The following ESRRG variants were observed in gnomAD, a reference collection of about 807,000 sequenced individuals.
ESRRG encodes estrogen related receptor gamma.
Under a neutral mutation model 44.0 loss-of-function variants are expected in ESRRG, and 13 were observed. The observed-to-expected ratio is 0.30, with a 90% CI of 0.19 to 0.47. The LOEUF is 0.47. Ranked by LOEUF, ESRRG falls within the 20% of genes least tolerant of loss-of-function variation. The pLI is 1.00. For synonymous variants in ESRRG, 215 were observed against 214.6 expected (o/e 1.00, Z -0.02); for missense variants, 395 against 580.6 (o/e 0.68, Z 3.29).
At chr1:216,714,294 A>G (rs2084311189) in intron 1 of ESRRG, among the ~76,000 whole-genome samples, 1 of 152,210 alleles carries the variant, frequency 6.6e-6, no homozygotes. Context: ...AATATCATGC[A>G]CTTACCTTTT....
chr1:217,115,439 A>G (rs976371879), intron 1 of ESRRG, among the ~76,000 whole-genome samples: 1 of 152,054 alleles, frequency 6.6e-6, no homozygotes, highest in Non-Finnish European at 1.5e-5. Context: ...ACAGGGCCCT[A>G]TATGATCCGT....
At chr1:216,894,471 C>A (rs2058180868) in intron 2 of ESRRG, among the ~76,000 whole-genome samples, 1 of 151,970 alleles carries the variant, frequency 6.6e-6, no homozygotes, top group East Asian at 1.9e-4. Context: ...ATTTACACAG[C>A]CCCTCAATCA....
chr1:216,753,941 G>A (rs924969378), intron 2 of ESRRG, among the ~76,000 whole-genome samples: 1 of 151,906 alleles, frequency 6.6e-6, no homozygotes, highest in African/African-American at 2.4e-5. Context: ...CATAAAGTTG[G>A]ACTTCCTGGG....
intron 6 of ESRRG, among the ~76,000 whole-genome samples, chr1:216,517,461 T>C (rs1572099198): frequency 6.6e-6 from 1 of 152,340 alleles, no homozygotes; most frequent in African/African-American, 2.4e-5. Context: ...ATTTTGTTGA[T>C]AAAGTTTTAG....
chr1:216,857,034 C>T (rs1182793058), intron 2 of ESRRG, among the ~76,000 whole-genome samples: 3 of 151,970 alleles, frequency 2.0e-5, no homozygotes, highest in Admixed American at 1.3e-4. Flanking sequence ...CTTGCTGCAC[C>T]GGTCTGCAAA....
chr1:216,973,027 C>T (rs2072024892), intron 1 of ESRRG, among the ~76,000 whole-genome samples: 1 of 152,166 alleles, frequency 6.6e-6, no homozygotes, highest in South Asian at 2.1e-4. Context: ...TCCCCACCTC[C>T]ATGTCTACCA....
At chr1:217,123,334 A>AAAT (rs1198213101) in intron 1 of ESRRG, among the ~76,000 whole-genome samples, 2 of 152,112 alleles carry the variant, frequency 1.3e-5, no homozygotes, top group Non-Finnish European at 2.9e-5. Flanking sequence ...ATTATGTCCC[A>AAAT]AATAGGCCTT....
chr1:217,109,260 G>C (rs891706217), intron 1 of ESRRG, among the ~76,000 whole-genome samples: 1 of 152,058 alleles, frequency 6.6e-6, no homozygotes, highest in Non-Finnish European at 1.5e-5. Context: ...GAATGGAATG[G>C]GAATAGAAGC....
intron 5 of ESRRG, among the ~76,000 whole-genome samples, chr1:216,542,344 T>C (rs2053145325): frequency 6.6e-6 from 1 of 152,000 alleles, no homozygotes; most frequent in Non-Finnish European, 1.5e-5. Context: ...CAATTCTTTT[T>C]GGTTCCTTAT....
intron 5 of ESRRG, among the ~76,000 whole-genome samples, chr1:216,540,394 T>C (rs1185792216): frequency 6.6e-6 from 1 of 152,006 alleles, no homozygotes; most frequent in Non-Finnish European, 1.5e-5. Flanking sequence ...AACTGAAGAC[T>C]AGACATGGCC....
intron 3 of ESRRG, among the ~76,000 whole-genome samples, chr1:216,581,297 A>G (rs1034939546): frequency 6.6e-6 from 1 of 152,236 alleles, no homozygotes; most frequent in Non-Finnish European, 1.5e-5. Context: ...GGCAGAAATC[A>G]CATTATGTAT....
intron 1 of ESRRG, among the ~76,000 whole-genome samples, chr1:216,979,582 A>T (rs1295507953): frequency 6.6e-6 from 1 of 152,068 alleles, no homozygotes; most frequent in African/African-American, 2.4e-5. Flanking sequence ...ATCCAGGATC[A>T]CCTACTTACT....
At chr1:216,820,458 A>G (rs2095261787) in intron 2 of ESRRG, among the ~76,000 whole-genome samples, 1 of 152,212 alleles carries the variant, frequency 6.6e-6, no homozygotes, top group Admixed American at 6.5e-5. Context: ...TGTCAGAGCA[A>G]ACTCCTCAAT....
chr1:216,940,107 C>A (rs1374530867), intron 1 of ESRRG, among the ~76,000 whole-genome samples: 1 of 152,160 alleles, frequency 6.6e-6, no homozygotes, highest in East Asian at 1.9e-4. Context: ...GTATGCATTT[C>A]TCCAAACGTG....
intron 2 of ESRRG, among the ~76,000 whole-genome samples, chr1:216,796,815 C>A (rs1295062515): frequency 6.6e-6 from 1 of 152,176 alleles, no homozygotes; most frequent in Non-Finnish European, 1.5e-5. Context: ...CTATGACACT[C>A]TTTCCCAGTC....
chr1:217,042,622 C>T (rs1028099867), intron 1 of ESRRG, among the ~76,000 whole-genome samples: 4 of 151,984 alleles, frequency 2.6e-5, no homozygotes, highest in Non-Finnish European at 5.9e-5. Context: ...CAGGCCCATT[C>T]TAAACGTGCA....
intron 3 of ESRRG, among the ~76,000 whole-genome samples, chr1:216,580,704 G>A (rs935064948): frequency 6.6e-6 from 1 of 152,146 alleles, no homozygotes; most frequent in African/African-American, 2.4e-5. Context: ...AAAAGTCTAT[G>A]AATGAAATGG....
intron 1 of ESRRG, among the ~76,000 whole-genome samples, chr1:216,720,094 T>C (rs1414163843): frequency 1.3e-5 from 2 of 152,132 alleles, no homozygotes; most frequent in Admixed American, 1.3e-4. Context: ...GTTTTTTTGT[T>C]GTTTACTTCA....
At chr1:216,981,741 A>C (rs961782227) in intron 1 of ESRRG, among the ~76,000 whole-genome samples, 1 of 152,124 alleles carries the variant, frequency 6.6e-6, no homozygotes, top group Non-Finnish European at 1.5e-5. Context: ...GCACGCACAC[A>C]CAGCACACAC....
Sources: allele counts gnomAD v4.1 joint callset (sites outside exome capture counted in the v4.1 genomes callset), GRCh38; gene constraint gnomAD v4.1.1; transcripts MANE v1.5; gene names NCBI Gene and HGNC (gene_info 2026-07-23, HGNC 2026-07-21).